BEND5: variants seen among roughly 807,000 people sequenced by gnomAD.
BEND5 encodes BEN domain-containing protein 5.
A neutral mutation model predicts 43.9 loss-of-function variants in BEND5; 22 were observed. The ratio of observed to expected loss-of-function variants is 0.50; its 90% CI spans 0.36 to 0.72. The LOEUF (loss-of-function observed/expected upper bound fraction) is 0.72. Ranked by LOEUF, BEND5 falls within the 30% of genes least tolerant of loss-of-function variation. BEND5 has a pLI of 0.00. For synonymous variants in BEND5, 228 were observed against 225.9 expected, an observed-to-expected ratio of 1.01 and a Z score of -0.08; for missense variants, 428 against 550.6, an observed-to-expected ratio of 0.78 and a Z score of 2.23.
chr1:48,743,842 G>C (rs1473802036), intron 3 of BEND5, among the ~76,000 whole-genome samples: 3 of 152,208 alleles, frequency 2.0e-5, no homozygotes, highest in East Asian at 3.8e-4. Flanking sequence ...TGAAGGTCCT[G>C]GTGAATTTGT....
intron 3 of BEND5, among the ~76,000 whole-genome samples, chr1:48,758,509 C>G (rs1162985424): frequency 2.6e-5 from 4 of 152,214 alleles, no homozygotes; most frequent in Non-Finnish European, 4.4e-5. Context: ...TTATCACTTT[C>G]TGACTTAAAC....
chr1:48,752,056 A>C (rs1291881952), intron 3 of BEND5, among the ~76,000 whole-genome samples: 1 of 152,190 alleles, frequency 6.6e-6, no homozygotes, highest in Non-Finnish European at 1.5e-5. Context: ...ATTAAGCAGG[A>C]TACAACAGTT....
At chr1:48,758,832 C>A in intron 3 of BEND5, 68 bp downstream of exon 3, 1 of 1,380,482 alleles carries the variant, frequency 7.2e-7, no homozygotes, top group Non-Finnish European at 9.6e-7. Flanking sequence ...CCTTTCCCTT[C>A]CTGGAAGAGG....
At chr1:48,773,596 T>G (rs1045005271) in intron 1 of BEND5, among the ~76,000 whole-genome samples, 13 of 152,322 alleles carry the variant, frequency 8.5e-5, no homozygotes, top group African/African-American at 3.1e-4. Flanking sequence ...AAAACTTGCC[T>G]TGAGCTGTAA....
rs1644100035 is a variant in BEND5, at chr1:48,758,926, T to A, written c.719A>T (p.Asp240Val). 1 of 1,564,390 alleles carries A rather than the reference T, an allele frequency of 6.4e-7. No homozygotes were observed. Among genetic ancestry groups the A allele is most frequent in the South Asian group, 1.2e-5 (1 of 82,752 alleles). The change falls in exon 3 of 6, where the codon GAC becomes GTC. Residue 240 changes from aspartate (D) to valine (V), a missense_variant. Physicochemically the swap from Asp to Val is radical, Grantham distance 152. Around this residue, in one of 4 missense-constraint regions of BEND5, gnomAD observed 243 missense variants for 286.4 expected, o/e 0.85. Transcript: ENST00000371833. ...GCTGCCAAGCCGCAGGAGCAGCACG[T>A]CCTGGAGCCTCCGGTTAAGGTCACG... The part of the protein sequence containing the change: ...ELRDLNRRLQ[D>V]VLLLRLGSGP...
intron 1 of BEND5, among the ~76,000 whole-genome samples, chr1:48,762,722 C>T (rs1644341585): frequency 6.6e-6 from 1 of 151,300 alleles, no homozygotes; most frequent in South Asian, 2.1e-4. Flanking sequence ...TCTCCTACAA[C>T]TTGTTAGTAA....
chr1:48,757,164 T>C (rs1052682248), intron 3 of BEND5, among the ~76,000 whole-genome samples: 1 of 152,184 alleles, frequency 6.6e-6, no homozygotes, highest in African/African-American at 2.4e-5. Flanking sequence ...ATTTCTGTTT[T>C]TGGTGTACTT....
rs781701119 is a variant in BEND5 at position 48,758,928 on chromosome 1, C to T, written c.717G>A (p.Gln239=). The T allele has an allele frequency of 6.4e-7, 1 of 1,567,150 alleles. No individual in the cohort carries two copies. Among genetic ancestry groups the T allele is most frequent in the South Asian group, 1.2e-5 (1 of 83,182 alleles). ...TGCCAAGCCGCAGGAGCAGCACGTC[C>T]TGGAGCCTCCGGTTAAGGTCACGGA... ...KELRDLNRRL[Q]DVLLLRLGSG... The change falls in exon 3 of 6, where the codon CAG becomes CAA. Residue 239 remains glutamine, a synonymous_variant. Transcript: ENST00000371833.
At chr1:48,753,711 C>T (rs1570516988) in intron 3 of BEND5, among the ~76,000 whole-genome samples, 2 of 152,192 alleles carry the variant, frequency 1.3e-5, no homozygotes, top group South Asian at 4.1e-4. Context: ...CTCTCTAAAA[C>T]GGAGATAATA....
chr1:48,776,460 CA>C lies in BEND5; in HGVS notation c.226+145del, dbSNP rs1420566738. Reference sequence around the variant, plus strand: ...TGGCCTCTTAGAGACACCCCGTTCCCAAATGAAATGCCCAGAGGACGGGAGA... The same window carrying C: ...TGGCCTCTTAGAGACACCCCGTTCCCAATGAAATGCCCAGAGGACGGGAGA... On this transcript the variant is annotated intron_variant, in intron 1 of 5. Coordinates refer to ENST00000371833, the MANE Select transcript of BEND5 (RefSeq NM_024603.4). The C allele has an allele frequency of 3.2e-5, 20 of 625,494 alleles. 1 individual carries two copies. In the East Asian group the frequency reaches 6.3e-4, roughly 20 times the overall value. The allele number at this position is 625,494 out of a possible 1,614,324, so 38.7% of individuals were successfully genotyped here. A position where few individuals can be genotyped will look rare whatever the true frequency, so the allele number is the denominator to read the frequency against.
chr1:48,763,633 A>G (rs1402944009), intron 1 of BEND5, among the ~76,000 whole-genome samples: 2 of 152,324 alleles, frequency 1.3e-5, no homozygotes, highest in South Asian at 2.1e-4. Context: ...AGAGCCACCA[A>G]TTAGAAATGA....
At chr1:48,737,017 C>G (rs1649165902) in intron 4 of BEND5, among the ~76,000 whole-genome samples, 1 of 152,220 alleles carries the variant, frequency 6.6e-6, no homozygotes, top group South Asian at 2.1e-4. Flanking sequence ...GGCATGGTGG[C>G]TCACACCTGT....
At chr1:48,776,091 G>A (rs1645065298) in intron 1 of BEND5, among the ~76,000 whole-genome samples, 1 of 152,182 alleles carries the variant, frequency 6.6e-6, no homozygotes, top group Non-Finnish European at 1.5e-5. Context: ...TTCCCTCTGT[G>A]AGGAGGGACT....
chr1:48,752,870 CTCCTGAGTA>C (rs549726495), intron 3 of BEND5, among the ~76,000 whole-genome samples: 330 of 152,242 alleles, frequency 2.2e-3, no homozygotes, highest in African/African-American at 7.9e-3. Context: ...CTGCCTCAGC[CTCCTGAGTA>C]GCTGGGACTA....
At chr1:48,754,908 C>T (rs965852316) in intron 3 of BEND5, among the ~76,000 whole-genome samples, 19 of 152,064 alleles carry the variant, frequency 1.2e-4, no homozygotes, top group African/African-American at 4.1e-4. Context: ...GTCAGAAGAC[C>T]CTTAGGAATA....
chr1:48,773,852 G>A (rs1163340322), intron 1 of BEND5, among the ~76,000 whole-genome samples: 1 of 152,212 alleles, frequency 6.6e-6, no homozygotes, highest in East Asian at 1.9e-4. Context: ...GTCACTTAGA[G>A]GACTAACAGA....
intron 4 of BEND5, among the ~76,000 whole-genome samples, chr1:48,742,321 G>A (rs1275062986): frequency 3.9e-5 from 6 of 152,022 alleles, no homozygotes; most frequent in African/African-American, 1.5e-4. Context: ...AAACTATCAT[G>A]GGAATTAAGA....
Position 48,761,450 on chromosome 1 carries a change from T to G in BEND5, c.247A>C (p.Asn83His). 1 of 1,551,180 alleles carries G rather than the reference T, an allele frequency of 6.4e-7. No individual in the cohort carries two copies. The highest frequency in any genetic ancestry group is 1.7e-4 in the Middle Eastern group (1 of 5,986). The change falls in exon 2 of 6, where the codon AAC becomes CAC. Residue 83 changes from asparagine to histidine, a missense_variant. Physicochemically the swap from Asn to His is moderately conservative, Grantham distance 68. Transcript: ENST00000371833. ...ALAEDKSDLE[N>H]SVMQKKIKIP... is the part of the protein sequence containing the mutation. ...TTTATTTTCTTCTGCATCACACTGT[T>G]TTCAAGGTCAGATTTGTCTTCTAAA... is the stretch of plus-strand genomic sequence containing the variant.
At chr1:48,750,569 C>T (rs1381673061) in intron 3 of BEND5, among the ~76,000 whole-genome samples, 2 of 152,218 alleles carry the variant, frequency 1.3e-5, no homozygotes, top group African/African-American at 4.8e-5. Context: ...TCCCAACTGT[C>T]TGCTGTTGAG....
Sources: gnomAD v4.1 joint callset for allele counts (sites outside exome capture counted in the v4.1 genomes callset) on GRCh38, gnomAD v4.1.1 for gene constraint, gnomAD v4.1.1 regional missense constraint, MANE v1.5 for transcripts, NCBI Gene and HGNC (gene_info 2026-07-23, HGNC 2026-07-21) for gene names.